The following ULK4 variants were observed in gnomAD, a reference collection of about 807,000 sequenced individuals.
The protein encoded by ULK4 is inactive serine/threonine-protein kinase ULK4.
In ULK4, 133 loss-of-function variants were observed where a neutral mutation model predicts 160.6. The observed-to-expected ratio is 0.83, with a 90% CI of 0.72 to 0.96. The LOEUF (loss-of-function observed/expected upper bound fraction) is 0.96. Among genes scored for constraint, ULK4 ranks in the 40% least tolerant of loss-of-function variants. The pLI is 0.00. For synonymous variants in ULK4, 534 were observed against 539.8 expected (o/e 0.99, Z 0.15); for missense variants, 1,580 against 1,499.5 (o/e 1.05, Z -0.89).
chr3:41,518,847 G>A (rs1386390254), intron 32 of ULK4, among the ~76,000 whole-genome samples: 1 of 152,204 alleles, frequency 6.6e-6, no homozygotes, highest in African/African-American at 2.4e-5. Context: ...GGGAATAAAA[G>A]TGAATGTATG....
intron 35 of ULK4, among the ~76,000 whole-genome samples, chr3:41,379,477 G>A (rs2081598407): frequency 6.6e-6 from 1 of 152,264 alleles, no homozygotes; most frequent in South Asian, 2.1e-4. Flanking sequence ...TTGAACAATG[G>A]TGTTGAAAAA....
At chr3:41,360,188 G>C (rs1288575211) in intron 35 of ULK4, among the ~76,000 whole-genome samples, 1 of 152,162 alleles carries the variant, frequency 6.6e-6, no homozygotes, top group African/African-American at 2.4e-5. Context: ...CTGATCATTA[G>C]AGAAATGCAA....
intron 31 of ULK4, among the ~76,000 whole-genome samples, chr3:41,574,854 C>T (rs1283474559): frequency 6.6e-6 from 1 of 152,160 alleles, no homozygotes; most frequent in Non-Finnish European, 1.5e-5. Flanking sequence ...CCCCAGACTC[C>T]TCTTTCTAAA....
chr3:41,416,452 T>C (rs7619164), intron 34 of ULK4, among the ~76,000 whole-genome samples: 1 of 151,868 alleles, frequency 6.6e-6, no homozygotes, highest in Non-Finnish European at 1.5e-5. Context: ...AATGACGCCG[T>C]CATGTAACAA....
At chr3:41,311,780 G>C (rs1474500039) in intron 35 of ULK4, among the ~76,000 whole-genome samples, 1 of 151,338 alleles carries the variant, frequency 6.6e-6, no homozygotes, top group Non-Finnish European at 1.5e-5. Context: ...ATGTTAGTTA[G>C]GATGGTCTTG....
At chr3:41,539,870 C>G (rs573405886) in intron 32 of ULK4, among the ~76,000 whole-genome samples, 62 of 152,238 alleles carry the variant, frequency 4.1e-4, no homozygotes, top group African/African-American at 1.5e-3. Flanking sequence ...ATGGAAACCT[C>G]TGTCATCTCA....
chr3:41,496,310 C>G (rs7619095), intron 32 of ULK4, among the ~76,000 whole-genome samples: 5,923 of 152,116 alleles, frequency 0.039, 372 homozygotes, highest in African/African-American at 0.13. Context: ...CAAACTAGTC[C>G]TTCTATCATA....
chr3:41,845,542 G>A (rs1168363502), intron 17 of ULK4, among the ~76,000 whole-genome samples: 2 of 152,134 alleles, frequency 1.3e-5, no homozygotes, highest in Non-Finnish European at 2.9e-5. Context: ...AGGGTAAGAG[G>A]ATAGGGTCAT....
intron 17 of ULK4, among the ~76,000 whole-genome samples, chr3:41,881,191 G>C (rs1697503243): frequency 6.6e-6 from 1 of 150,656 alleles, no homozygotes; most frequent in Non-Finnish European, 1.5e-5. Context: ...TTATTTTTCT[G>C]GAGAGACTAT....
At chr3:41,775,361 A>C (rs1233496529) in intron 21 of ULK4, among the ~76,000 whole-genome samples, 2 of 150,380 alleles carry the variant, frequency 1.3e-5, no homozygotes, top group Non-Finnish European at 2.9e-5. Context: ...CCACATGCTA[A>C]TGAATATAAG....
At position 41,318,598 on chromosome 3, in the gene ULK4, A is replaced by G. The variant is rs182220185; in HGVS notation, c.3679-69024T>C. Among the ~76,000 whole-genome samples, 64 of 152,328 alleles carry G rather than the reference A, an allele frequency of 4.2e-4. No individual in the cohort carries two copies. In the Middle Eastern group the frequency reaches 0.01, roughly 24 times the overall value. On this transcript the variant is annotated intron_variant, in intron 35 of 36. Coordinates refer to ENST00000301831, the MANE Select transcript of ULK4 (RefSeq NM_017886.4). ...AGATATTTTAATGAGAATCTTCTCT[A>G]TAGTTAGAGTACTATGCAGAGTGCT...
At chr3:41,866,011 T>C (rs1696853401) in intron 17 of ULK4, among the ~76,000 whole-genome samples, 1 of 152,108 alleles carries the variant, frequency 6.6e-6, no homozygotes, top group African/African-American at 2.4e-5. Flanking sequence ...CAACCATATG[T>C]TGGATAAAGA....
chr3:41,365,345 C>T (rs531398348), intron 35 of ULK4, among the ~76,000 whole-genome samples: 8 of 152,194 alleles, frequency 5.3e-5, no homozygotes, highest in East Asian at 1.9e-4. Context: ...GAAGCAAATA[C>T]GAAATAGTCT....
At chr3:41,780,859 T>C (rs1247648072) in intron 21 of ULK4, among the ~76,000 whole-genome samples, 4 of 152,114 alleles carry the variant, frequency 2.6e-5, no homozygotes, top group Non-Finnish European at 5.9e-5. Context: ...AAATAATAGG[T>C]TGGTCTTATC....
At chr3:41,489,443 C>G (rs1575297817) in intron 32 of ULK4, among the ~76,000 whole-genome samples, 1 of 152,124 alleles carries the variant, frequency 6.6e-6, no homozygotes, top group Non-Finnish European at 1.5e-5. Context: ...TGTGATGTAA[C>G]TCACTCTTTC....
intron 17 of ULK4, among the ~76,000 whole-genome samples, chr3:41,840,813 G>A (rs1051113039): frequency 6.6e-6 from 1 of 152,062 alleles, no homozygotes; most frequent in Admixed American, 6.6e-5. Context: ...GGGAAGTGGG[G>A]AGCGTCTCTG....
chr3:41,328,105 G>A (rs1237621360), intron 35 of ULK4, among the ~76,000 whole-genome samples: 1 of 152,194 alleles, frequency 6.6e-6, no homozygotes, highest in East Asian at 1.9e-4. Context: ...GGAACGGCCA[G>A]CCCTAAAAAG....
intron 35 of ULK4, among the ~76,000 whole-genome samples, chr3:41,307,284 T>C (rs970961066): frequency 1.3e-5 from 2 of 152,184 alleles, no homozygotes; most frequent in Non-Finnish European, 2.9e-5. Context: ...AATCCTCCTC[T>C]GTGCTTTGAC....
Position 41,960,179 on chromosome 3 carries a change from A to C in ULK4, c.-49+1837T>G, listed in dbSNP as rs1044548631. ...CATCTTGAAATTTTGAATTTGATTT[A>C]GGCCAAATTCATTTCCTTAATCTTT... is the stretch of plus-strand genomic sequence containing the variant. On this transcript the variant is annotated intron_variant, in intron 1 of 36. Transcript: ENST00000301831. Among the ~76,000 whole-genome samples, 3 of 151,992 alleles carry C rather than the reference A, an allele frequency of 2.0e-5. 1 individual carries two copies. The highest frequency in any genetic ancestry group is 2.0e-4 in the Admixed American group (3 of 15,252).
Sources: allele counts gnomAD v4.1 joint callset (sites outside exome capture counted in the v4.1 genomes callset), GRCh38; gene constraint gnomAD v4.1.1; transcripts MANE v1.5; gene names NCBI Gene and HGNC (gene_info 2026-07-23, HGNC 2026-07-21).